The following FLAD1 variants were observed in gnomAD, a reference collection of about 807,000 sequenced individuals.
The protein encoded by FLAD1 is bifunctional FAD diphosphatase/FAD synthase.
FLAD1 carries 35 observed loss-of-function variants against 55.0 expected under a neutral mutation model. That is an observed-to-expected ratio of 0.64 (90% CI 0.49 to 0.84). The LOEUF (loss-of-function observed/expected upper bound fraction) is 0.84, where lower values mean the gene tolerates loss of function less well. Among genes scored for constraint, FLAD1 ranks in the 40% least tolerant of loss-of-function variants. FLAD1 has a pLI of 0.00. For missense variants in FLAD1, 665 were observed against 742.6 expected, an observed-to-expected ratio of 0.90 and a Z score of 1.21; for synonymous variants, 267 against 303.0, an observed-to-expected ratio of 0.88 and a Z score of 1.23.
chr1:154,988,522 G>T lies in FLAD1; in HGVS notation c.790G>T (p.Val264Leu). 1 of 1,614,240 alleles carries T rather than the reference G, an allele frequency of 6.2e-7. No individual in the cohort carries two copies. Among genetic ancestry groups the T allele is most frequent in the Non-Finnish European group, 8.5e-7 (1 of 1,180,050 alleles). Residue 264 changes from valine (V) to leucine (L), a missense_variant, in exon 2 of 7, where the codon GTG (valine) becomes TTG (leucine). Transcript: ENST00000292180. Reference protein sequence around the residue: ...FPGIPELLRRVLEGMKGLFQN... With the variant: ...FPGIPELLRRLLEGMKGLFQN... ...AGGCATTCCAGAGCTGCTGCGGCGGGTGCTGGAGGGGATGAAGGGACTATT... is the reference window on the plus strand; with the variant it reads ...AGGCATTCCAGAGCTGCTGCGGCGGTTGCTGGAGGGGATGAAGGGACTATT...
chr1:154,988,777 G>A lies in FLAD1; in HGVS notation c.1045G>A (p.Gly349Arg). 1.9e-6 allele frequency: 3 copies of A among 1,614,190 alleles called. No homozygotes were observed. Among genetic ancestry groups the A allele is most frequent in the Non-Finnish European group, 2.5e-6 (3 of 1,180,036 alleles). Residue 349 changes from glycine to arginine, a missense_variant, in exon 2 of 7, where the codon GGA (glycine) becomes AGA (arginine). Gly to Arg is a moderately radical substitution (Grantham distance 125). Transcript: ENST00000292180. Reference sequence around the variant, plus strand: ...CTACCTGACTGCCCGTTTGCCCCAGGGATCGCTGGTCCCCTACATGCCCAA... The same window carrying A: ...CTACCTGACTGCCCGTTTGCCCCAGAGATCGCTGGTCCCCTACATGCCCAA... ...LAYLTARLPQ[G>R]SLVPYMPNAV...
Position 154,983,862 on chromosome 1 carries a change from C to T in FLAD1, c.168C>T (p.Pro56=), listed in dbSNP as rs1657439665. 1.9e-6 allele frequency: 3 copies of T among 1,614,164 alleles called. No individual in the cohort carries two copies. The highest frequency in any genetic ancestry group is 2.5e-6 in the Non-Finnish European group (3 of 1,179,998). ...WLLQVPSTQD[P]LFPGYGPQCP... ...TCCAGGTTCCCTCGACCCAGGACCC[C>T]CTGTTCCCAGGCTATGGCCCCCAGT... Residue 56 remains proline (P), a synonymous_variant, in exon 1 of 7, where the codon CCC becomes CCT. Transcript: ENST00000292180.
chr1:154,992,971 A>T lies in FLAD1; in HGVS notation c.1698A>T (p.Gly566=), dbSNP rs1347011410. The part of the protein sequence containing the change: ...NPALKCLSPG[G]HPTYRPAYLL... ...CCCTGAAGTGCCTGAGCCCAGGAGG[A>T]CACCCCACATACCGTCCAGCCTATC... The change falls in exon 7 of 7, where the codon GGA becomes GGT. Residue 566 remains glycine, a synonymous_variant. Coordinates refer to ENST00000292180, the MANE Select transcript of FLAD1 (RefSeq NM_025207.5). The T allele has an allele frequency of 2.5e-6, 4 of 1,613,888 alleles. No individual in the cohort carries two copies. The African/African-American group carries it at 5.3e-5, about 22-fold the overall frequency.
rs747351057 is a variant in FLAD1, at chr1:154,990,213, C to G, written c.1320C>G (p.Ser440=). Residue 440 remains serine (S), a synonymous_variant, in exon 4 of 7, where the codon TCC becomes TCG. Coordinates refer to ENST00000292180, the MANE Select transcript of FLAD1 (RefSeq NM_025207.5). The part of the protein sequence containing the change: ...PLQILYIRSI[S]PFPELEQFLQ... ...AGATCCTGTATATCCGCAGCATCTC[C>G]CCTTTCCCTGAGCTGGAACAGTTTC... 1 of 1,614,186 alleles carries G rather than the reference C, an allele frequency of 6.2e-7. No homozygotes were observed. Among genetic ancestry groups the G allele is most frequent in the South Asian group, 1.1e-5 (1 of 91,082 alleles).
chr1:154,992,484 C>A, intron 5 of FLAD1: 1 of 1,263,484 alleles, frequency 7.9e-7, no homozygotes, highest in Non-Finnish European at 1.1e-6. Context: ...CAAGCTCCAC[C>A]CTTGCACTAG....
chr1:154,992,644 C>T, intron 5 of FLAD1, 69 bp from the exon 6 acceptor site: 1 of 1,614,138 alleles, frequency 6.2e-7, no homozygotes, highest in Non-Finnish European at 8.5e-7. Flanking sequence ...TGGGCCCCTT[C>T]CCAGGACAGC....
intron 5 of FLAD1, chr1:154,992,458 G>T: frequency 2.0e-6 from 2 of 977,386 alleles, no homozygotes; most frequent in Admixed American, 4.9e-5. Context: ...AAAAATAGAC[G>T]GTTTCTCCCT....
intron 1 of FLAD1, among the ~76,000 whole-genome samples, chr1:154,984,289 A>G (rs1657463774): frequency 6.6e-6 from 1 of 152,024 alleles, no homozygotes; most frequent in Non-Finnish European, 1.5e-5. Flanking sequence ...AACCTGAGAG[A>G]GCTGATTGAA....
At chr1:154,991,344 C>G (rs919052259) in intron 5 of FLAD1, 2 of 150,182 alleles carry the variant, frequency 1.3e-5, no homozygotes, top group Non-Finnish European at 3.0e-5. Flanking sequence ...CGCCTGAGGT[C>G]AGGAGATCGA....
chr1:154,988,012 C>T, intron 1 of FLAD1, 93 bp from the exon 2 acceptor site: 1 of 1,603,082 alleles, frequency 6.2e-7, no homozygotes, highest in Non-Finnish European at 8.5e-7. Flanking sequence ...AAGAGCAGAG[C>T]ACTGCATCAT....
chr1:154,987,908 G>C (rs1657689069), intron 1 of FLAD1, 197 bp from the exon 2 acceptor site: 1 of 1,442,436 alleles, frequency 6.9e-7, no homozygotes, highest in Admixed American at 2.8e-5. Flanking sequence ...CTCCAGCCTG[G>C]GTGACAGAGA....
At chr1:154,984,151 G>C (rs1170004135) in intron 1 of FLAD1, 85 bp downstream of exon 1, 2 of 1,258,086 alleles carry the variant, frequency 1.6e-6, no homozygotes, top group African/African-American at 3.0e-5. Context: ...GGAAGGAGGT[G>C]AAACAGGGTG....
chr1:154,989,258 C>G (rs994933125), intron 2 of FLAD1, among the ~76,000 whole-genome samples: 2 of 151,986 alleles, frequency 1.3e-5, no homozygotes, highest in African/African-American at 2.4e-5. Context: ...CAAGAGCCAA[C>G]AGTATGAATG....
Position 154,992,693 on chromosome 1 carries a change from C to T in FLAD1, c.1555-20C>T. On this transcript the variant is annotated intron_variant, in intron 5 of 6. Transcript: ENST00000292180. ...GGAAAGGTGAGCATTTGTGACTATTCTATTACTCTGACCTCCCAGGACTGG... is the reference window on the plus strand; with the variant it reads ...GGAAAGGTGAGCATTTGTGACTATTTTATTACTCTGACCTCCCAGGACTGG... 1 of 1,614,164 alleles carries T rather than the reference C, an allele frequency of 6.2e-7. No individual in the cohort carries two copies. The highest frequency in any genetic ancestry group is 8.5e-7 in the Non-Finnish European group (1 of 1,180,022).
At chr1:154,987,943 G>T in intron 1 of FLAD1, 162 bp from the exon 2 acceptor site, 1 of 1,499,536 alleles carries the variant, frequency 6.7e-7, no homozygotes. Context: ...CAAACAAATG[G>T]ATTTTCCCAC....
At chr1:154,986,082 C>G (rs1416563422) in intron 1 of FLAD1, among the ~76,000 whole-genome samples, 3 of 151,608 alleles carry the variant, frequency 2.0e-5, no homozygotes, top group Non-Finnish European at 1.5e-5. Context: ...CTGCTGCTCA[C>G]GCTGGAGCGC....
chr1:154,986,476 C>T (rs1297462116), intron 1 of FLAD1, among the ~76,000 whole-genome samples: 1 of 152,156 alleles, frequency 6.6e-6, no homozygotes, highest in Non-Finnish European at 1.5e-5. Context: ...TGGTAGTGTC[C>T]TATACATCAC....
chr1:154,989,781 G>GGGGT (rs751108469), intron 3 of FLAD1, 74 bp downstream of exon 3: 3 of 1,433,952 alleles, frequency 2.1e-6, no homozygotes, highest in Non-Finnish European at 2.8e-6. Context: ...AAGGAGAAAG[G>GGGGT]GGGTGTACAG....
intron 5 of FLAD1, among the ~76,000 whole-genome samples, chr1:154,991,604 A>G (rs2102250824): frequency 6.6e-6 from 1 of 152,210 alleles, no homozygotes; most frequent in South Asian, 2.1e-4. Context: ...CCACATTTCA[A>G]ATGACCACCA....
Sources: allele counts gnomAD v4.1 joint callset (sites outside exome capture counted in the v4.1 genomes callset), GRCh38; gene constraint gnomAD v4.1.1; transcripts MANE v1.5; gene names NCBI Gene and HGNC (gene_info 2026-07-23, HGNC 2026-07-21).